The following CT47C1 variants were observed in gnomAD, a reference collection of about 807,000 sequenced individuals.
CT47C1 encodes cancer/testis antigen family 47 member A11 pseudogene.
the CT47C1 span, chrX:119,074,885 C>T: frequency 3.2e-6 from 3 of 934,879 alleles, no homozygotes; most frequent in East Asian, 6.2e-5. Flanking sequence ...GTACTGGGTG[C>T]CGCTGCTGGT....
chrX:119,073,331 T>C, the CT47C1 span: 50 of 519,632 alleles, frequency 9.6e-5, no homozygotes, highest in Middle Eastern at 3.4e-4. Context: ...GGGCGGTGAC[T>C]CTGGCCCCGA....
the CT47C1 span, chrX:119,074,148 G>A: frequency 4.4e-6 from 2 of 456,302 alleles, no homozygotes; most frequent in Non-Finnish European, 7.6e-6. Context: ...AGGCAGGGCC[G>A]CGGTGTGCGC....
the CT47C1 span, chrX:119,073,219 T>C: frequency 4.2e-6 from 2 of 477,967 alleles, no homozygotes; most frequent in South Asian, 3.2e-5. Flanking sequence ...AGGCACTGAC[T>C]GGCGTCATGT....
the CT47C1 span, chrX:119,073,501 T>G: frequency 2.6e-5 from 13 of 508,371 alleles, no homozygotes; most frequent in Middle Eastern, 3.2e-4. Flanking sequence ...AGGAGGAGGA[T>G]GAGGAGGAGG....
the CT47C1 span, chrX:119,075,083 C>T: frequency 1.9e-4 from 203 of 1,084,732 alleles, no homozygotes; most frequent in East Asian, 5.8e-3. Flanking sequence ...GGGACCTAGA[C>T]GCAGCAGAGG....
the CT47C1 span, chrX:119,073,691 C>A: frequency 1.5e-6 from 1 of 645,946 alleles, no homozygotes; most frequent in Non-Finnish European, 2.4e-6. Flanking sequence ...CCGCCTGATG[C>A]GGAGGCGCCG....
the CT47C1 span, chrX:119,073,375 C>A: frequency 1.9e-6 from 1 of 535,374 alleles, no homozygotes; most frequent in African/African-American, 2.3e-5. Context: ...TCGCAGGGCC[C>A]ATGAGAGGCC....
At chrX:119,076,566 G>C in the CT47C1 span, among the ~76,000 whole-genome samples, 1 of 112,204 alleles carries the variant, frequency 8.9e-6, no homozygotes, top group African/African-American at 3.2e-5. Context: ...TGCAAAGAGA[G>C]AGATGGGGCT....
chrX:119,073,410 C>A, the CT47C1 span: 5 of 526,511 alleles, frequency 9.5e-6, no homozygotes, highest in Middle Eastern at 7.5e-4. Context: ...GGTGAGCAGG[C>A]GGCAGGCTTG....
chrX:119,075,731 CTTTT>C, the CT47C1 span, among the ~76,000 whole-genome samples: 1 of 87,158 alleles, frequency 1.1e-5, no homozygotes, highest in African/African-American at 4.1e-5. Context: ...TTTCTTTTTT[CTTTT>C]TTTTTTTTTT....
At chrX:119,075,241 G>C in the CT47C1 span, 1 of 900,344 alleles carries the variant, frequency 1.1e-6, no homozygotes, top group Non-Finnish European at 1.5e-6. Context: ...ATTCAATTTA[G>C]CTTACTTAAA....
At chrX:119,073,733 C>T in the CT47C1 span, 2 of 766,526 alleles carry the variant, frequency 2.6e-6, no homozygotes, top group Non-Finnish European at 1.9e-6. Flanking sequence ...AGAAGAGCCC[C>T]GGCTGTTGCT....
At chrX:119,075,463 A>G in the CT47C1 span, among the ~76,000 whole-genome samples, 1 of 111,948 alleles carries the variant, frequency 8.9e-6, no homozygotes, top group African/African-American at 3.2e-5. Context: ...TGGGCCACAC[A>G]TTGGTTGGGA....
chrX:119,074,875 G>A, the CT47C1 span: 3 of 910,855 alleles, frequency 3.3e-6, no homozygotes, highest in East Asian at 9.4e-5. Flanking sequence ...TGAGGGTGGA[G>A]TACTGGGTGC....
the CT47C1 span, chrX:119,073,841 G>A: frequency 1.1e-6 from 1 of 877,370 alleles, no homozygotes; most frequent in Admixed American, 2.2e-5. Context: ...TGAGGTGCCA[G>A]CAGACCTGGC....
At chrX:119,073,982 G>T in the CT47C1 span, 1 of 706,217 alleles carries the variant, frequency 1.4e-6, no homozygotes, top group Non-Finnish European at 2.2e-6. Context: ...GGAGGAGCTC[G>T]CAGAGGAGGC....
At chrX:119,075,376 G>A in the CT47C1 span, among the ~76,000 whole-genome samples, 5 of 112,038 alleles carry the variant, frequency 4.5e-5, no homozygotes, top group Non-Finnish European at 9.4e-5. Context: ...ACTAACAAGT[G>A]GCAAATGTAT....
the CT47C1 span, chrX:119,073,309 A>T: frequency 1.2e-5 from 6 of 511,638 alleles, no homozygotes; most frequent in Admixed American, 1.0e-4. Flanking sequence ...CCGAGGCCGT[A>T]GGTGACCGGG....
At chrX:119,075,271 G>A in the CT47C1 span, among the ~76,000 whole-genome samples, 1 of 112,518 alleles carries the variant, frequency 8.9e-6, no homozygotes, top group Non-Finnish European at 1.9e-5. Flanking sequence ...GAATATTCAT[G>A]TACGTAGTAA....
Sources: allele counts gnomAD v4.1 joint callset (sites outside exome capture counted in the v4.1 genomes callset), GRCh38; gene constraint gnomAD v4.1.1; transcripts MANE v1.5; gene names NCBI Gene and HGNC (gene_info 2026-07-23, HGNC 2026-07-21).